The following MINPP1 variants were observed in gnomAD, a reference collection of about 807,000 sequenced individuals.
The protein encoded by MINPP1 is multiple inositol-polyphosphate phosphatase 1, also known as multiple inositol polyphosphate phosphatase 1.
In MINPP1, 28 loss-of-function variants were observed where a neutral mutation model predicts 46.1. The ratio of observed to expected loss-of-function variants is 0.61; its 90% CI spans 0.45 to 0.83. The LOEUF (loss-of-function observed/expected upper bound fraction) is 0.83. Ranked by LOEUF, MINPP1 falls within the 40% of genes least tolerant of loss-of-function variation. The pLI, the probability that MINPP1 is intolerant of heterozygous loss-of-function variation, is 0.00. For synonymous variants in MINPP1, 268 were observed against 249.1 expected, an observed-to-expected ratio of 1.08 and a Z score of -0.72; for missense variants, 603 against 610.0, an observed-to-expected ratio of 0.99 and a Z score of 0.12.
chr10:87,520,057 A>AGAGTGTGTGTGTGTGTGT (rs1554852420), intron 3 of MINPP1, among the ~76,000 whole-genome samples: 3 of 147,364 alleles, frequency 2.0e-5, no homozygotes, highest in African/African-American at 7.6e-5. Context: ...TAAAAGGTAT[A>AGAGTGTGTGTGTGTGTGT]GTGTGTGTGT....
intron 4 of MINPP1, among the ~76,000 whole-genome samples, chr10:87,544,309 T>G (rs1589385657): frequency 6.6e-6 from 1 of 152,228 alleles, no homozygotes; most frequent in Non-Finnish European, 1.5e-5. Context: ...GGAGCTTCCA[T>G]GCCCTCCCAG....
chr10:87,523,707 A>G (rs1851535215), intron 4 of MINPP1, among the ~76,000 whole-genome samples: 1 of 152,270 alleles, frequency 6.6e-6, no homozygotes, highest in East Asian at 1.9e-4. Flanking sequence ...TGAAATCAAA[A>G]TTACTACTTG....
chr10:87,513,332 CAT>C (rs1050178151), intron 3 of MINPP1, 111 bp downstream of exon 3: 4 of 740,804 alleles, frequency 5.4e-6, no homozygotes, highest in Non-Finnish European at 7.1e-6. Flanking sequence ...AGTTAGGGAA[CAT>C]AAACTGTTTT....
In MINPP1 at chr10:87,513,151, G is replaced by A; in HGVS notation, c.863G>A (p.Cys288Tyr). ...TTAATTCAAGTAGCCTTTTTCACCT[G>A]TTCATTTGACCTGGCAATTAAAGGT... ...ADLIQVAFFT[C>Y]SFDLAIKGVK... The change falls in exon 3 of 5, where the codon TGT (cysteine) becomes TAT (tyrosine). Residue 288 changes from cysteine (C) to tyrosine (Y), a missense_variant. Transcript: ENST00000371996. 1 of 1,613,526 alleles carries A rather than the reference G, an allele frequency of 6.2e-7. No homozygotes were observed.
At chr10:87,538,719 A>G (rs894002877) in intron 4 of MINPP1, among the ~76,000 whole-genome samples, 1 of 152,214 alleles carries the variant, frequency 6.6e-6, no homozygotes, top group East Asian at 1.9e-4. Context: ...CTGGCAGTTC[A>G]TGTTGCTTAT....
intron 3 of MINPP1, among the ~76,000 whole-genome samples, chr10:87,518,021 G>A (rs1392343423): frequency 2.1e-5 from 3 of 144,620 alleles, no homozygotes; most frequent in East Asian, 2.1e-4. Flanking sequence ...GTACAGAGGC[G>A]TGATCTCGGC....
rs1564686036 is a variant in MINPP1, at chr10:87,552,589, T to C, written c.*111T>C. On this transcript the variant is annotated 3_prime_UTR_variant, in exon 5 of 5. Transcript: ENST00000371996. ...GAAGCTTTTATATTACTTGAGTATT[T>C]CTGTCTTTTCACAGAAAAACATTGG... 9.0e-7 allele frequency: 1 copy of C among 1,105,424 alleles called. No homozygotes were observed. The highest frequency in any genetic ancestry group is 2.0e-5 in the Admixed American group (1 of 50,758). The allele number at this position is 1,105,424 out of a possible 1,614,324, so 68.5% of individuals were successfully genotyped here. A position where few individuals can be genotyped will look rare whatever the true frequency, so the allele number is the denominator to read the frequency against.
intron 4 of MINPP1, among the ~76,000 whole-genome samples, chr10:87,530,323 T>A (rs1398489285): frequency 2.0e-5 from 3 of 152,198 alleles, no homozygotes; most frequent in Non-Finnish European, 4.4e-5. Flanking sequence ...TCTGTTCTGG[T>A]TTCTCCCCAT....
At chr10:87,517,524 T>C (rs965977551) in intron 3 of MINPP1, among the ~76,000 whole-genome samples, 3 of 152,152 alleles carry the variant, frequency 2.0e-5, no homozygotes, top group African/African-American at 7.2e-5. Context: ...TAAATTACAA[T>C]TTAATAAAGT....
intron 3 of MINPP1, among the ~76,000 whole-genome samples, chr10:87,518,136 T>G (rs1034502640): frequency 6.6e-6 from 1 of 151,862 alleles, no homozygotes; most frequent in Non-Finnish European, 1.5e-5. Flanking sequence ...ATTTTTTGTG[T>G]TTTTAGTAGA....
intron 3 of MINPP1, among the ~76,000 whole-genome samples, chr10:87,515,149 G>C (rs1327829111): frequency 6.6e-6 from 1 of 151,888 alleles, no homozygotes; most frequent in Non-Finnish European, 1.5e-5. Context: ...CACTTTGGGC[G>C]GCCAAGGCGG....
rs1400389396 is a variant in MINPP1, at chr10:87,552,325, A to G, written c.1311A>G (p.Leu437=). The change falls in exon 5 of 5, where the codon TTA becomes TTG. Residue 437 remains leucine, a synonymous_variant. Coordinates refer to ENST00000371996, the MANE Select transcript of MINPP1 (RefSeq NM_004897.5). Reference sequence around the variant, plus strand: ...AAGAACAATTCCGAGTGCAGATGTTATTAAATGAAAAGGTGTTACCTTTGG... The same window carrying G: ...AAGAACAATTCCGAGTGCAGATGTTGTTAAATGAAAAGGTGTTACCTTTGG... ...TPKEQFRVQM[L]LNEKVLPLAY... 1 of 1,613,700 alleles carries G rather than the reference A, an allele frequency of 6.2e-7. No individual in the cohort carries two copies. The highest frequency in any genetic ancestry group is 8.5e-7 in the Non-Finnish European group (1 of 1,179,804).
chr10:87,538,716 T>C (rs1325111573), intron 4 of MINPP1, among the ~76,000 whole-genome samples: 1 of 152,232 alleles, frequency 6.6e-6, no homozygotes, highest in Non-Finnish European at 1.5e-5. Context: ...CATCTGGCAG[T>C]TCATGTTGCT....
At chr10:87,529,689 T>C (rs1439290902) in intron 4 of MINPP1, among the ~76,000 whole-genome samples, 6 of 152,186 alleles carry the variant, frequency 3.9e-5, no homozygotes, top group Non-Finnish European at 5.9e-5. Flanking sequence ...GTCTTGGAGT[T>C]GCTCTTCTCA....
intron 4 of MINPP1, among the ~76,000 whole-genome samples, chr10:87,529,743 G>A (rs1219306515): frequency 6.6e-6 from 1 of 152,136 alleles, no homozygotes; most frequent in East Asian, 1.9e-4. Flanking sequence ...GAATTTGAGT[G>A]TTGGCCTGCC....
intron 1 of MINPP1, chr10:87,507,935 C>A: frequency 7.8e-7 from 1 of 1,285,470 alleles, no homozygotes; most frequent in South Asian, 1.9e-5. Flanking sequence ...TCTGTTTAGA[C>A]TTTGGCTTAG....
At position 87,505,309 on chromosome 10, in the gene MINPP1, G is replaced by A; in HGVS notation, c.394G>A (p.Ala132Thr). 6.2e-7 allele frequency: 1 copy of A among 1,612,036 alleles called. No homozygotes were observed. Among genetic ancestry groups the A allele is most frequent in the Admixed American group, 1.7e-5 (1 of 59,984 alleles). The change falls in exon 1 of 5, where the codon GCC becomes ACC. Residue 132 changes from alanine to threonine, a missense_variant. Ala to Thr is a moderately conservative substitution (Grantham distance 58). This residue lies in a region of MINPP1 where 239 missense variants were observed against 189.4 expected (regional missense o/e 1.26). Coordinates refer to ENST00000371996, the MANE Select transcript of MINPP1 (RefSeq NM_004897.5). This position sits in a 1 kb window ranked among gnomAD's most constrained non-coding sequence, Gnocchi z 4.4. Reference protein sequence around the residue: ...TGSRDLGAALADWPLWYADWM... With the variant: ...TGSRDLGAALTDWPLWYADWM... ...CAGCCGCGACCTGGGTGCAGCGCTG[G>A]CCGACTGGCCTTTGTGGTACGCGGA... is the stretch of plus-strand genomic sequence containing the variant.
At chr10:87,518,064 A>G (rs1452922917) in intron 3 of MINPP1, among the ~76,000 whole-genome samples, 7 of 148,216 alleles carry the variant, frequency 4.7e-5, no homozygotes, top group Non-Finnish European at 1.0e-4. Context: ...GGTTCAAGCC[A>G]TTCTGCTGCC....
At chr10:87,511,213 C>G (rs1851329845) in intron 2 of MINPP1, among the ~76,000 whole-genome samples, 5 of 151,890 alleles carry the variant, frequency 3.3e-5, no homozygotes, top group Non-Finnish European at 5.9e-5. Context: ...AAGGATTCGC[C>G]CTTTGCTTGT....
Sources: allele counts gnomAD v4.1 joint callset (sites outside exome capture counted in the v4.1 genomes callset), GRCh38; gene constraint gnomAD v4.1.1; regional missense constraint gnomAD v4.1.1; non-coding constraint Gnocchi (gnomAD v3.1); transcripts MANE v1.5; gene names NCBI Gene and HGNC (gene_info 2026-07-23, HGNC 2026-07-21).